GLRB: variants seen among roughly 807,000 people sequenced by gnomAD.
GLRB encodes glycine receptor beta, also known as glycine receptor subunit beta.
GLRB carries 33 observed loss-of-function variants against 54.2 expected under a neutral mutation model. That is an observed-to-expected ratio of 0.61 (90% CI 0.46 to 0.81). The LOEUF (loss-of-function observed/expected upper bound fraction) is 0.81, where lower values mean the gene tolerates loss of function less well. GLRB is among the 40% of genes least tolerant of loss of function. The probability of loss-of-function intolerance (pLI) is 0.00; values close to 1 mark genes in which losing one functional copy is unlikely to be tolerated. For missense variants in GLRB, 572 were observed against 584.6 expected (o/e 0.98, Z 0.22); for synonymous variants, 209 against 208.2 (o/e 1.00, Z -0.03).
intron 9 of GLRB, among the ~76,000 whole-genome samples, chr4:157,154,275 T>C (rs1014354919): frequency 6.6e-6 from 1 of 152,172 alleles, no homozygotes; most frequent in African/African-American, 2.4e-5. Context: ...TGTTTGGTAT[T>C]TAAACTGCTC....
At chr4:157,145,006 G>A (rs1438643715) in intron 8 of GLRB, among the ~76,000 whole-genome samples, 1 of 151,966 alleles carries the variant, frequency 6.6e-6, no homozygotes. Context: ...TATATTTACT[G>A]GGAAAATAAC....
chr4:157,105,271 T>C (rs1735181606), intron 2 of GLRB, among the ~76,000 whole-genome samples: 1 of 152,018 alleles, frequency 6.6e-6, no homozygotes, highest in Non-Finnish European at 1.5e-5. Context: ...AATTTTAATA[T>C]TTTTCATTAG....
At chr4:157,083,333 A>G (rs1365192956) in intron 2 of GLRB, among the ~76,000 whole-genome samples, 2 of 152,152 alleles carry the variant, frequency 1.3e-5, no homozygotes, top group Non-Finnish European at 2.9e-5. Flanking sequence ...CTTGGCACCA[A>G]TAATTAAAAG....
At chr4:157,136,163 A>C (rs151147436) in intron 4 of GLRB, among the ~76,000 whole-genome samples, 6 of 152,290 alleles carry the variant, frequency 3.9e-5, no homozygotes, top group Non-Finnish European at 5.9e-5. Flanking sequence ...TGGTACTACC[A>C]TCTAATCAAC....
chr4:157,157,974 A>T (rs931933333), intron 9 of GLRB, among the ~76,000 whole-genome samples: 5 of 152,136 alleles, frequency 3.3e-5, no homozygotes, highest in African/African-American at 1.2e-4. Context: ...AAGCATTCCT[A>T]TTTCTCCACA....
At chr4:157,092,623 A>G (rs1333890533) in intron 2 of GLRB, among the ~76,000 whole-genome samples, 1 of 152,182 alleles carries the variant, frequency 6.6e-6, no homozygotes, top group Admixed American at 6.5e-5. Flanking sequence ...TAGGTCTGGG[A>G]TAGGTAAAAC....
chr4:157,169,730 G>A (rs1280286314), intron 9 of GLRB, among the ~76,000 whole-genome samples: 6 of 151,900 alleles, frequency 3.9e-5, no homozygotes, highest in Non-Finnish European at 1.5e-5. Flanking sequence ...TATATTATAG[G>A]GAATTTATTC....
intron 9 of GLRB, among the ~76,000 whole-genome samples, chr4:157,168,698 G>T (rs185570655): frequency 1.3e-5 from 2 of 151,818 alleles, no homozygotes; most frequent in Admixed American, 1.3e-4. Flanking sequence ...CATTTTTTGG[G>T]TATTTTTCTG....
chr4:157,110,454 A>G (rs1579205967), intron 2 of GLRB, among the ~76,000 whole-genome samples: 1 of 151,810 alleles, frequency 6.6e-6, no homozygotes, highest in South Asian at 2.1e-4. Flanking sequence ...TTTTTAGTTT[A>G]TTATATTCTT....
intron 6 of GLRB, among the ~76,000 whole-genome samples, chr4:157,137,650 A>C (rs1004366221): frequency 3.9e-5 from 6 of 152,168 alleles, no homozygotes; most frequent in African/African-American, 1.4e-4. Flanking sequence ...TTTTTTAAAT[A>C]ATGTACCGAA....
chr4:157,081,001 G>A (rs904931756), intron 2 of GLRB, among the ~76,000 whole-genome samples: 1 of 152,110 alleles, frequency 6.6e-6, no homozygotes, highest in Admixed American at 6.5e-5. Flanking sequence ...TTGATGCTGA[G>A]CTTGAGTCAG....
intron 2 of GLRB, among the ~76,000 whole-genome samples, chr4:157,106,969 G>A (rs1055320166): frequency 1.5e-4 from 23 of 151,926 alleles, no homozygotes; most frequent in East Asian, 7.8e-4. Flanking sequence ...TGTGTTCCCC[G>A]TGTGTCTCTG....
Position 157,143,797 on chromosome 4 carries a change from C to T in GLRB, c.752-10C>T, listed in dbSNP as rs1403552362. 5.6e-6 allele frequency: 9 copies of T among 1,611,620 alleles called. No individual in the cohort carries two copies. Among genetic ancestry groups the T allele is most frequent in the Non-Finnish European group, 7.6e-6 (9 of 1,179,168 alleles). ...AAACCTCATGCCTTGAATGTGTTTG[C>T]TTCTGAAAGGCTACTACACATGCGT... On this transcript the variant is annotated splice_polypyrimidine_tract_variant and intron_variant, in intron 7 of 9. Coordinates refer to ENST00000264428, the MANE Select transcript of GLRB (RefSeq NM_000824.5).
At chr4:157,141,826 T>C (rs1161315470) in intron 7 of GLRB, among the ~76,000 whole-genome samples, 1 of 152,046 alleles carries the variant, frequency 6.6e-6, no homozygotes, top group African/African-American at 2.4e-5. Context: ...AGTGGGTACC[T>C]TCATAAAAGG....
At chr4:157,123,950 A>G (rs1363048006) in intron 4 of GLRB, among the ~76,000 whole-genome samples, 3 of 151,644 alleles carry the variant, frequency 2.0e-5, no homozygotes, top group Non-Finnish European at 4.4e-5. Context: ...TTCTTTGCAT[A>G]TGTCATAGCT....
At chr4:157,136,338 T>A (rs1432438260) in intron 4 of GLRB, 131 bp from the exon 5 acceptor site, 2 of 667,362 alleles carry the variant, frequency 3.0e-6, no homozygotes, top group Non-Finnish European at 5.5e-6. Context: ...GTTGTTGTGA[T>A]CTTGGTTGAT....
At chr4:157,123,122 G>C (rs1294317398) in intron 4 of GLRB, among the ~76,000 whole-genome samples, 1 of 151,718 alleles carries the variant, frequency 6.6e-6, no homozygotes, top group African/African-American at 2.4e-5. Flanking sequence ...TGCTTACTAA[G>C]GTTTTAGAAT....
chr4:157,151,431 CA>C (rs1737018719), intron 8 of GLRB, among the ~76,000 whole-genome samples: 1 of 152,026 alleles, frequency 6.6e-6, no homozygotes, highest in African/African-American at 2.4e-5. Flanking sequence ...GTAAGACCTA[CA>C]TTAACTTTTA....
At chr4:157,088,128 A>G (rs1431802301) in intron 2 of GLRB, among the ~76,000 whole-genome samples, 1 of 152,186 alleles carries the variant, frequency 6.6e-6, no homozygotes, top group East Asian at 1.9e-4. Context: ...ACCTTGAAAC[A>G]TCTGACATTT....
Sources: gnomAD v4.1 joint callset for allele counts (sites outside exome capture counted in the v4.1 genomes callset) on GRCh38, gnomAD v4.1.1 for gene constraint, MANE v1.5 for transcripts, NCBI Gene and HGNC (gene_info 2026-07-23, HGNC 2026-07-21) for gene names.